SEPTIN11: variants seen among roughly 807,000 people sequenced by gnomAD.
SEPTIN11 encodes septin 11.
In SEPTIN11, 25 loss-of-function variants were observed where a neutral mutation model predicts 51.4. The ratio of observed to expected loss-of-function variants is 0.49; its 90% CI spans 0.35 to 0.68. The LOEUF (loss-of-function observed/expected upper bound fraction) is 0.68, where lower values mean the gene tolerates loss of function less well. Ranked by LOEUF, SEPTIN11 falls within the 30% of genes least tolerant of loss-of-function variation. SEPTIN11 has a pLI of 0.00. For synonymous variants in SEPTIN11, 174 were observed against 184.1 expected, an observed-to-expected ratio of 0.95 and a Z score of 0.44; for missense variants, 381 against 520.8, an observed-to-expected ratio of 0.73 and a Z score of 2.61.
intron 3 of SEPTIN11, among the ~76,000 whole-genome samples, chr4:77,008,727 G>C (rs1191010775): frequency 1.3e-5 from 2 of 152,124 alleles, no homozygotes; most frequent in African/African-American, 4.8e-5. Flanking sequence ...AAAAAAATGA[G>C]TGCTGTGTAA....
intron 7 of SEPTIN11, among the ~76,000 whole-genome samples, chr4:77,025,836 A>G (rs909654493): frequency 6.6e-6 from 1 of 152,150 alleles, no homozygotes; most frequent in African/African-American, 2.4e-5. Flanking sequence ...CTCACATCCT[A>G]AGACACAATG....
chr4:77,039,632 T>C (rs928827410), downstream of SEPTIN11: 1 of 978,106 alleles, frequency 1.0e-6, no homozygotes, highest in African/African-American at 1.8e-5. Context: ...TGGGTTGTTT[T>C]GGTGTTTGGG....
chr4:77,003,639 A>G (rs889433989), intron 2 of SEPTIN11, among the ~76,000 whole-genome samples: 1 of 152,254 alleles, frequency 6.6e-6, no homozygotes, highest in African/African-American at 2.4e-5. Context: ...TAAGTGAATC[A>G]TCATAGTTAC....
chr4:77,039,277 G>A, downstream of SEPTIN11: 1 of 1,126,112 alleles, frequency 8.9e-7, no homozygotes, highest in South Asian at 2.1e-5. Flanking sequence ...GGATACTGAA[G>A]TGACTTACCA....
intron 7 of SEPTIN11, among the ~76,000 whole-genome samples, chr4:77,025,450 T>G (rs748420359): frequency 6.6e-6 from 1 of 151,238 alleles, no homozygotes; most frequent in Non-Finnish European, 1.5e-5. Flanking sequence ...AAAGCTGAAG[T>G]GGGAAGATCG....
intron 1 of SEPTIN11, among the ~76,000 whole-genome samples, chr4:76,954,590 G>GTA (rs1326786796): frequency 6.6e-6 from 1 of 152,180 alleles, no homozygotes; most frequent in Admixed American, 6.5e-5. Flanking sequence ...CAATACTTGG[G>GTA]CTAAGGTAAT....
At chr4:77,026,640 T>C (rs1010708190) in intron 7 of SEPTIN11, among the ~76,000 whole-genome samples, 1 of 152,026 alleles carries the variant, frequency 6.6e-6, no homozygotes, top group African/African-American at 2.4e-5. Flanking sequence ...TTCTTGAAAT[T>C]GGTGGTCTCT....
In SEPTIN11 at chr4:76,955,136, T is replaced by A. The variant is rs569261141; in HGVS notation, c.27+5206T>A. Among the ~76,000 whole-genome samples, 3 of 152,234 alleles carry A rather than the reference T, an allele frequency of 2.0e-5. No homozygotes were observed. In the South Asian group the frequency reaches 6.2e-4, roughly 32 times the overall value. ...GTTGAGGCACAATAATGTGGATAGG[T>A]TAGAGATTGAAAAACAAAATAATCC... On this transcript the variant is annotated intron_variant, in intron 1 of 9. Coordinates refer to ENST00000264893, the MANE Select transcript of SEPTIN11 (RefSeq NM_018243.4).
intron 7 of SEPTIN11, among the ~76,000 whole-genome samples, chr4:77,027,254 G>A (rs913892942): frequency 3.3e-5 from 5 of 152,120 alleles, no homozygotes; most frequent in African/African-American, 1.2e-4. Context: ...TCCTGCCCCA[G>A]CCTCCCAAGT....
chr4:77,003,473 TCAGAACTTGGCA>T (rs1724269324), intron 2 of SEPTIN11, among the ~76,000 whole-genome samples: 2 of 152,250 alleles, frequency 1.3e-5, no homozygotes, highest in African/African-American at 4.8e-5. Flanking sequence ...TCTTGAATTC[TCAGAACTTGGCA>T]CAGAACTTGT....
At chr4:76,986,793 A>G (rs1384839053) in intron 1 of SEPTIN11, among the ~76,000 whole-genome samples, 1 of 152,254 alleles carries the variant, frequency 6.6e-6, no homozygotes, top group Non-Finnish European at 1.5e-5. Flanking sequence ...ATCTTTATTT[A>G]GTATTATTGT....
chr4:77,006,576 A>G (rs1017776872), intron 3 of SEPTIN11, among the ~76,000 whole-genome samples: 2 of 152,214 alleles, frequency 1.3e-5, no homozygotes, highest in African/African-American at 4.8e-5. Flanking sequence ...TCCAAAGGTG[A>G]TTGTAGAATG....
intron 7 of SEPTIN11, among the ~76,000 whole-genome samples, chr4:77,027,602 T>G (rs903324959): frequency 3.3e-5 from 5 of 152,208 alleles, no homozygotes; most frequent in Non-Finnish European, 7.3e-5. Context: ...AGAGTGGCTA[T>G]CCAGTTTGTA....
Position 77,036,012 on chromosome 4 carries a change from C to T in SEPTIN11, c.*1500C>T. The T allele has an allele frequency of 1.0e-6, 1 of 985,932 alleles. No individual in the cohort carries two copies. Among genetic ancestry groups the T allele is most frequent in the Non-Finnish European group, 1.2e-6 (1 of 829,992 alleles). The allele number at this position is 985,932 out of a possible 1,614,324, so 61.1% of individuals were successfully genotyped here. A position where few individuals can be genotyped will look rare whatever the true frequency, so the allele number is the denominator to read the frequency against. On this transcript the variant is annotated 3_prime_UTR_variant, in exon 10 of 10. Coordinates refer to ENST00000264893, the MANE Select transcript of SEPTIN11 (RefSeq NM_018243.4). ...TAGGATAGAATATGCTGCGTCTCCC[C>T]TGACACACACTTTCTTTTTTGAATG...
At chr4:76,958,330 A>G (rs542133452) in intron 1 of SEPTIN11, among the ~76,000 whole-genome samples, 78 of 152,298 alleles carry the variant, frequency 5.1e-4, no homozygotes, top group Admixed American at 4.7e-3. Context: ...GTGGATCTAC[A>G]TGGCTCCTCA....
intron 5 of SEPTIN11, among the ~76,000 whole-genome samples, chr4:77,016,659 CAT>C (rs776737427): frequency 7.9e-4 from 52 of 65,712 alleles, no homozygotes; most frequent in African/African-American, 2.0e-3. Context: ...TATATATACA[CAT>C]ATATATATAT....
downstream of SEPTIN11, chr4:77,039,694 A>T: frequency 2.0e-6 from 2 of 984,766 alleles, no homozygotes; most frequent in Non-Finnish European, 2.4e-6. Context: ...GATGGCTGCA[A>T]TTTTTTTTCT....
At chr4:76,972,991 A>G (rs1722312424) in intron 1 of SEPTIN11, 1 of 152,098 alleles carries the variant, frequency 6.6e-6, no homozygotes, top group Non-Finnish European at 1.5e-5. Context: ...ATTGAAGTCA[A>G]TTCTTTCTTC....
chr4:77,029,105 G>T (rs370559626), intron 8 of SEPTIN11, among the ~76,000 whole-genome samples: 2 of 152,112 alleles, frequency 1.3e-5, no homozygotes, highest in South Asian at 2.1e-4. Context: ...GGGATTCTGC[G>T]ACTATTATTA....
Sources: gnomAD v4.1 joint callset for allele counts (sites outside exome capture counted in the v4.1 genomes callset) on GRCh38, gnomAD v4.1.1 for gene constraint, MANE v1.5 for transcripts, NCBI Gene and HGNC (gene_info 2026-07-23, HGNC 2026-07-21) for gene names.